Variants in CRB3 observed in about 807,000 individuals in gnomAD.
The protein encoded by CRB3 is crumbs cell polarity complex component 3, also known as protein crumbs homolog 3.
In CRB3, 4 loss-of-function variants were observed where a neutral mutation model predicts 10.4. The ratio of observed to expected loss-of-function variants is 0.39; its 90% CI spans 0.19 to 0.88. The LOEUF (loss-of-function observed/expected upper bound fraction) is 0.88. Ranked by LOEUF, CRB3 falls within the 40% of genes least tolerant of loss-of-function variation. The probability of loss-of-function intolerance (pLI) is 0.39; values close to 1 mark genes in which losing one functional copy is unlikely to be tolerated. For missense variants in CRB3, 154 were observed against 160.2 expected, an observed-to-expected ratio of 0.96 and a Z score of 0.21; for synonymous variants, 74 against 73.4, an observed-to-expected ratio of 1.01 and a Z score of -0.04.
At position 6,466,868 on chromosome 19, in the gene CRB3, C is replaced by T. The variant is rs2092797513; in HGVS notation, c.*196C>T. ...GTGCCTGCAGCTCAGGGTGCTGGGG[C>T]TCGGGACCCACCCCCCTGCTTGCGG... On this transcript the variant is annotated 3_prime_UTR_variant, in exon 4 of 4. Transcript: ENST00000600229. This position sits in a 1 kb window ranked among gnomAD's most constrained non-coding sequence, Gnocchi z 4.9. The T allele has an allele frequency of 4.4e-6, 7 of 1,575,718 alleles. No individual in the cohort carries two copies. The South Asian group carries it at 4.7e-5, about 11-fold the overall frequency.
At position 6,466,820 on chromosome 19, in the gene CRB3, C is replaced by T. The variant is rs1186090681; in HGVS notation, c.*148C>T. ...GGGCACCCATGTGGTGGGCTCTGTG[C>T]AGCATGTTGCCTCTGCTTGGCTGTG... On this transcript the variant is annotated 3_prime_UTR_variant, in exon 4 of 4. Coordinates refer to ENST00000600229, the MANE Select transcript of CRB3 (RefSeq NM_139161.5). The surrounding 1 kb of genome is among the most constrained non-coding windows in gnomAD (Gnocchi z 4.9). 1.9e-6 allele frequency: 3 copies of T among 1,557,100 alleles called. No individual in the cohort carries two copies. Among genetic ancestry groups the T allele is most frequent in the Non-Finnish European group, 2.6e-6 (3 of 1,150,760 alleles).
chr19:6,466,950 G>C lies in CRB3; in HGVS notation c.*278G>C, dbSNP rs753245690. Reference sequence around the variant, plus strand: ...CCACAACCCCCTCTCCTTTCTTTCAGTTCTCCCATGCAGCCGAGGCCCGGG... The same window carrying C: ...CCACAACCCCCTCTCCTTTCTTTCACTTCTCCCATGCAGCCGAGGCCCGGG... On this transcript the variant is annotated 3_prime_UTR_variant, in exon 4 of 4. Coordinates refer to ENST00000600229, the MANE Select transcript of CRB3 (RefSeq NM_139161.5). This position sits in a 1 kb window ranked among gnomAD's most constrained non-coding sequence, Gnocchi z 4.9. 1 of 1,613,796 alleles carries C rather than the reference G, an allele frequency of 6.2e-7. No individual in the cohort carries two copies.
chr19:6,464,464 A>C lies in CRB3; in HGVS notation c.-95+114A>C. On this transcript the variant is annotated intron_variant, in intron 1 of 3. Transcript: ENST00000600229. The surrounding 1 kb of genome is among the most constrained non-coding windows in gnomAD (Gnocchi z 5.3). ...CCCAGCCCAGGAACGCGCTCCTGGG[A>C]GTTAATCTTTAATCGCTGACCTCTG... The C allele has an allele frequency of 5.4e-6, 2 of 370,928 alleles. No individual in the cohort carries two copies. Among genetic ancestry groups the C allele is most frequent in the Non-Finnish European group, 9.6e-6 (2 of 209,254 alleles). The allele number at this position is 370,928 out of a possible 1,614,324, so 23.0% of individuals were successfully genotyped here. A position where few individuals can be genotyped will look rare whatever the true frequency, so the allele number is the denominator to read the frequency against.
At chr19:6,465,467 G>A in intron 2 of CRB3, 78 bp from the exon 3 acceptor site, 1 of 1,185,392 alleles carries the variant, frequency 8.4e-7, no homozygotes, top group Non-Finnish European at 1.3e-6. Flanking sequence ...GAAGGGGAAT[G>A]CCCAAAGCAG....
At chr19:6,465,751 G>A in intron 3 of CRB3, 133 bp downstream of exon 3, 1 of 773,270 alleles carries the variant, frequency 1.3e-6, no homozygotes, top group Non-Finnish European at 2.3e-6. Context: ...AGAGCTCTAA[G>A]TAGGAGAGAC....
chr19:6,464,765 G>T lies in CRB3; in HGVS notation c.64G>T (p.Gly22Cys). 1 of 1,269,188 alleles carries T rather than the reference G, an allele frequency of 7.9e-7. No individual in the cohort carries two copies. The allele number at this position is 1,269,188 out of a possible 1,614,324, so 78.6% of individuals were successfully genotyped here. A position where few individuals can be genotyped will look rare whatever the true frequency, so the allele number is the denominator to read the frequency against. ...CCTGCCGTTCCTGCTGGCCCGCTGG[G>T]GCCGAGCCTGGGGGCAAAGTAGGTA... Reference protein sequence around the residue: ...LGLPFLLARWGRAWGQIQTTS... With the variant: ...LGLPFLLARWCRAWGQIQTTS... Residue 22 changes from glycine (G) to cysteine (C), a missense_variant, in exon 2 of 4, where the codon GGC becomes TGC. Physicochemically the swap from Gly to Cys is radical, Grantham distance 159 (BLOSUM62 -3). Transcript: ENST00000600229. The surrounding 1 kb of genome is among the most constrained non-coding windows in gnomAD (Gnocchi z 5.3).
Position 6,467,080 on chromosome 19 carries a change from G to A in CRB3, c.*408G>A. The A allele has an allele frequency of 6.6e-7, 1 of 1,511,502 alleles. No homozygotes were observed. Among genetic ancestry groups the A allele is most frequent in the Non-Finnish European group, 9.2e-7 (1 of 1,090,088 alleles). The allele number at this position is 1,511,502 out of a possible 1,614,324, so 93.6% of individuals were successfully genotyped here. ...CTGTGTGACCTTGGGGAAAGGCAGT[G>A]CCCTCTCTGGGCAGTCAGATCCACC... On this transcript the variant is annotated 3_prime_UTR_variant, in exon 4 of 4. Coordinates refer to ENST00000600229, the MANE Select transcript of CRB3 (RefSeq NM_139161.5).
chr19:6,464,773 C>T lies in CRB3; in HGVS notation c.72C>T (p.Ala24=). The part of the protein sequence containing the change: ...LPFLLARWGR[A]WGQIQTTSAN... ...TCCTGCTGGCCCGCTGGGGCCGAGC[C>T]TGGGGGCAAAGTAGGTACCAGCTGA... Residue 24 remains alanine (A), a synonymous_variant, in exon 2 of 4, where the codon GCC becomes GCT. Transcript: ENST00000600229. This position sits in a 1 kb window ranked among gnomAD's most constrained non-coding sequence, Gnocchi z 5.3. 2.4e-6 allele frequency: 3 copies of T among 1,269,158 alleles called. No individual in the cohort carries two copies. Among genetic ancestry groups the T allele is most frequent in the Non-Finnish European group, 2.0e-6 (2 of 1,005,594 alleles). The allele number at this position is 1,269,158 out of a possible 1,614,324, so 78.6% of individuals were successfully genotyped here.
rs769754778 is a variant in CRB3, at chr19:6,466,132, C to T, written c.157-334C>T. 3.3e-5 allele frequency among the ~76,000 whole-genome samples: 5 copies of T among 151,836 alleles called. No individual in the cohort carries two copies. The highest frequency in any genetic ancestry group is 2.1e-4 in the South Asian group (1 of 4,820). Reference sequence around the variant, plus strand: ...GGGGGAATTGCTTGAGCCCAGAAGGCGGAGGTTGCAGTGAGCCGAGATTGT... The same window carrying T: ...GGGGGAATTGCTTGAGCCCAGAAGGTGGAGGTTGCAGTGAGCCGAGATTGT... On this transcript the variant is annotated intron_variant, in intron 3 of 3. Coordinates refer to ENST00000600229, the MANE Select transcript of CRB3 (RefSeq NM_139161.5). The surrounding 1 kb of genome is among the most constrained non-coding windows in gnomAD (Gnocchi z 4.9).
At position 6,466,518 on chromosome 19, in the gene CRB3, T is replaced by G; in HGVS notation, c.209T>G (p.Leu70Trp). ...GTGGTCTTCTCCCTCTTGGCTGCCTTGCTCCTGGCTGTGGGGCTGGCACTG... is the reference window on the plus strand; with the variant it reads ...GTGGTCTTCTCCCTCTTGGCTGCCTGGCTCCTGGCTGTGGGGCTGGCACTG... The part of the protein sequence containing the change: ...IIVVFSLLAA[L>W]LLAVGLALLV... Residue 70 changes from leucine to tryptophan, a missense_variant, in exon 4 of 4, where the codon TTG becomes TGG. Coordinates refer to ENST00000600229, the MANE Select transcript of CRB3 (RefSeq NM_139161.5). This position sits in a 1 kb window ranked among gnomAD's most constrained non-coding sequence, Gnocchi z 4.9. 1.2e-6 allele frequency: 2 copies of G among 1,613,724 alleles called. No individual in the cohort carries two copies. Among genetic ancestry groups the G allele is most frequent in the Non-Finnish European group, 1.7e-6 (2 of 1,179,996 alleles).
chr19:6,466,871 G>A lies in CRB3; in HGVS notation c.*199G>A, dbSNP rs1378540431. ...CCTGCAGCTCAGGGTGCTGGGGCTCGGGACCCACCCCCCTGCTTGCGGAAC... is the reference window on the plus strand; with the variant it reads ...CCTGCAGCTCAGGGTGCTGGGGCTCAGGACCCACCCCCCTGCTTGCGGAAC... On this transcript the variant is annotated 3_prime_UTR_variant, in exon 4 of 4. Coordinates refer to ENST00000600229, the MANE Select transcript of CRB3 (RefSeq NM_139161.5). The surrounding 1 kb of genome is among the most constrained non-coding windows in gnomAD (Gnocchi z 4.9). 10 of 1,577,498 alleles carry A rather than the reference G, an allele frequency of 6.3e-6. No individual in the cohort carries two copies. The East Asian group carries it at 6.7e-5, about 11-fold the overall frequency.
chr19:6,464,564 C>G lies in CRB3; in HGVS notation c.-94-44C>G, dbSNP rs75550442. On this transcript the variant is annotated intron_variant, in intron 1 of 3. Transcript: ENST00000600229. This position sits in a 1 kb window ranked among gnomAD's most constrained non-coding sequence, Gnocchi z 5.3. ...TCCTGTGGGCCTGCGCCGGGGTCCC[C>G]ACCCCGATCCCAACGCCTGGGCCTC... The G allele has an allele frequency of 6.4e-3, 3,096 of 481,768 alleles. 86 individuals carry two copies. Among genetic ancestry groups the G allele is most frequent in the African/African-American group, 0.057 (2,876 of 50,192 alleles). 29.8% of individuals were successfully genotyped at this position (481,768 alleles called of 1,614,324 possible).
chr19:6,466,266 G>C lies in CRB3; in HGVS notation c.157-200G>C, dbSNP rs1002473038. The stretch of plus-strand genomic sequence containing the variant: ...GAGGGGTGTCCCGGACATGGCAGGT[G>C]GTGGGGAGCCTTCGCACCCCAGACA... On this transcript the variant is annotated intron_variant, in intron 3 of 3. Transcript: ENST00000600229. The surrounding 1 kb of genome is among the most constrained non-coding windows in gnomAD (Gnocchi z 4.9). Among the ~76,000 whole-genome samples, 9 of 152,052 alleles carry C rather than the reference G, an allele frequency of 5.9e-5. No individual in the cohort carries two copies. Among genetic ancestry groups the C allele is most frequent in the Admixed American group, 1.3e-4 (2 of 15,270 alleles).
upstream of CRB3, chr19:6,464,100 C>T (rs1167083784): frequency 6.6e-6 from 1 of 152,254 alleles, no homozygotes; most frequent in Non-Finnish European, 1.5e-5. The surrounding 1 kb of genome is among the most constrained non-coding windows in gnomAD (Gnocchi z 5.3). Context: ...CCCGCATCCC[C>T]ATTAAGGGAC....
chr19:6,465,051 A>C, intron 2 of CRB3: 1 of 338,154 alleles, frequency 3.0e-6, no homozygotes, highest in African/African-American at 2.1e-5. Context: ...GCTCCTAAGT[A>C]GGACTTGGGG....
chr19:6,465,827 A>G (rs2092791422), intron 3 of CRB3, among the ~76,000 whole-genome samples: 1 of 152,134 alleles, frequency 6.6e-6, no homozygotes, highest in Non-Finnish European at 1.5e-5. Context: ...TGTAGCTGTC[A>G]GATGTGTGGG....
chr19:6,464,235 G>C (rs1235659092), upstream of CRB3: 1 of 154,230 alleles, frequency 6.5e-6, no homozygotes, highest in Non-Finnish European at 1.4e-5. The surrounding 1 kb of genome is among the most constrained non-coding windows in gnomAD (Gnocchi z 5.3). Flanking sequence ...AACTTTCCGG[G>C]TCACGTGACA....
chr19:6,466,929 A>G lies in CRB3; in HGVS notation c.*257A>G. On this transcript the variant is annotated 3_prime_UTR_variant, in exon 4 of 4. Transcript: ENST00000600229. This position sits in a 1 kb window ranked among gnomAD's most constrained non-coding sequence, Gnocchi z 4.9. ...TCTCTGTGTGTCCAGCAGGCCCCAC[A>G]ACCCCCTCTCCTTTCTTTCAGTTCT... 6.2e-7 allele frequency: 1 copy of G among 1,610,964 alleles called. No homozygotes were observed. The highest frequency in any genetic ancestry group is 1.3e-5 in the African/African-American group (1 of 74,774).
At position 6,466,538 on chromosome 19, in the gene CRB3, G is replaced by A; in HGVS notation, c.229G>A (p.Ala77Thr). 2 of 1,613,358 alleles carry A rather than the reference G, an allele frequency of 1.2e-6. No individual in the cohort carries two copies. The highest frequency in any genetic ancestry group is 2.2e-5 in the South Asian group (2 of 91,088). Reference protein sequence around the residue: ...LAALLLAVGLALLVRKLREKR... With the variant: ...LAALLLAVGLTLLVRKLREKR... ...TGCCTTGCTCCTGGCTGTGGGGCTG[G>A]CACTGTTGGTGCGGAAGCTTCGGGA... The change falls in exon 4 of 4, where the codon GCA (alanine) becomes ACA (threonine). Residue 77 changes from alanine (A) to threonine (T), a missense_variant. Physicochemically the swap from Ala to Thr is moderately conservative, Grantham distance 58 (BLOSUM62 0). Transcript: ENST00000600229. The surrounding 1 kb of genome is among the most constrained non-coding windows in gnomAD (Gnocchi z 4.9).
Sources: gnomAD v4.1 joint callset for allele counts (sites outside exome capture counted in the v4.1 genomes callset) on GRCh38, gnomAD v4.1.1 for gene constraint, Gnocchi (gnomAD v3.1) non-coding constraint, MANE v1.5 for transcripts, NCBI Gene and HGNC (gene_info 2026-07-23, HGNC 2026-07-21) for gene names.